Variants in GLI3 observed in about 807,000 individuals in gnomAD.
The protein encoded by GLI3 is transcription activator GLI3.
GLI3 carries 20 observed loss-of-function variants against 100.8 expected under a neutral mutation model. The observed-to-expected ratio is 0.20, with a 90% confidence interval of 0.14 to 0.29. GLI3 has a LOEUF of 0.29. Ranked by LOEUF, GLI3 falls within the 10% of genes least tolerant of loss-of-function variation. The pLI is 1.00. For missense variants in GLI3, 2,040 were observed against 2,128.5 expected (o/e 0.96, Z 0.82); for synonymous variants, 938 against 860.5 (o/e 1.09, Z -1.58).
At chr7:41,988,289 C>T (rs762062303) in intron 10 of GLI3, among the ~76,000 whole-genome samples, 2 of 152,112 alleles carry the variant, frequency 1.3e-5, no homozygotes, top group African/African-American at 2.4e-5. Context: ...TGGTGAAACC[C>T]TGTCTCTACT....
At chr7:42,003,352 G>A (rs896565654) in intron 10 of GLI3, among the ~76,000 whole-genome samples, 3 of 152,062 alleles carry the variant, frequency 2.0e-5, no homozygotes, top group Non-Finnish European at 2.9e-5. Flanking sequence ...AGAAAATGAT[G>A]CTAGAGAAAA....
chr7:42,222,627 A>G (rs1788506990), intron 2 of GLI3, among the ~76,000 whole-genome samples: 1 of 152,218 alleles, frequency 6.6e-6, no homozygotes, highest in South Asian at 2.1e-4. Context: ...GCTAACAACA[A>G]AACCTGCATC....
In GLI3 at chr7:42,250,321, T is replaced by C. The variant is rs1021765706; in HGVS notation, c.-43+13673A>G. On this transcript the variant is annotated intron_variant, in intron 1 of 2. Coordinates refer to the GLI3 transcript ENST00000678978. ...CAAACCACAAACAAGAAACCTCACA[T>C]CTTTAGGAGTCCAAATGTAGGAAGC... Among the ~76,000 whole-genome samples the C allele has an allele frequency of 5.3e-5, 8 of 152,272 alleles. No homozygotes were observed. The South Asian group carries it at 1.0e-3, about 20-fold the overall frequency.
chr7:42,093,146 A>G (rs1270914199), intron 3 of GLI3, among the ~76,000 whole-genome samples: 1 of 150,802 alleles, frequency 6.6e-6, no homozygotes, highest in Non-Finnish European at 1.5e-5. Flanking sequence ...AAGGGCGCCC[A>G]GCATGGGCAA....
chr7:42,155,890 G>GC (rs1449746076), intron 2 of GLI3, among the ~76,000 whole-genome samples: 11 of 152,090 alleles, frequency 7.2e-5, no homozygotes, highest in African/African-American at 2.7e-4. Context: ...TGAAGCTTCA[G>GC]CAAGTATGCC....
At chr7:42,257,429 C>T (rs1789096532) in intron 1 of GLI3, among the ~76,000 whole-genome samples, 1 of 150,616 alleles carries the variant, frequency 6.6e-6, no homozygotes, top group Non-Finnish European at 1.5e-5. Flanking sequence ...ACTGCAAGCT[C>T]CGCCTCCCGG....
intron 10 of GLI3, among the ~76,000 whole-genome samples, chr7:41,996,251 A>T (rs1444226551): frequency 6.6e-6 from 1 of 152,154 alleles, no homozygotes; most frequent in Non-Finnish European, 1.5e-5. Context: ...ATTTTCCTAA[A>T]TTATTGTACC....
chr7:41,990,350 T>A (rs980884465), intron 10 of GLI3, among the ~76,000 whole-genome samples: 3 of 152,118 alleles, frequency 2.0e-5, no homozygotes, highest in Non-Finnish European at 4.4e-5. Flanking sequence ...GTATTACTAG[T>A]AAAGGATCTG....
intron 4 of GLI3, among the ~76,000 whole-genome samples, chr7:42,055,299 A>G (rs1784437176): frequency 6.6e-6 from 1 of 151,974 alleles, no homozygotes. Context: ...TGACCCTGAG[A>G]GGTGCAGATG....
Position 42,196,594 on chromosome 7 carries a change from G to C in GLI3, c.124+26536C>G, listed in dbSNP as rs150758182. Reference sequence around the variant, plus strand: ...GATTTTTAAAGAGGTCACCACCTTTGTTACTTAAAGTTCACACTATAAGTT... The same window carrying C: ...GATTTTTAAAGAGGTCACCACCTTTCTTACTTAAAGTTCACACTATAAGTT... On this transcript the variant is annotated intron_variant, in intron 2 of 14. Transcript: ENST00000395925. Among the ~76,000 whole-genome samples, 275 of 152,330 alleles carry C rather than the reference G, an allele frequency of 1.8e-3. 3 individuals carry two copies. The highest frequency in any genetic ancestry group is 5.8e-3 in the African/African-American group (243 of 41,578).
chr7:42,263,428 C>T (rs1425687087), intron 1 of GLI3, among the ~76,000 whole-genome samples: 4 of 147,652 alleles, frequency 2.7e-5, no homozygotes, highest in African/African-American at 1.0e-4. Flanking sequence ...AACTCATAAA[C>T]ATCTTCTTAC....
intron 3 of GLI3, among the ~76,000 whole-genome samples, chr7:42,085,484 G>A (rs1161920665): frequency 6.6e-6 from 1 of 152,114 alleles, no homozygotes. Context: ...CCTAAGTCTT[G>A]TTTCTTCTTA....
chr7:42,102,358 TG>T, intron 3 of GLI3, among the ~76,000 whole-genome samples: 1 of 152,206 alleles, frequency 6.6e-6, no homozygotes, highest in South Asian at 2.1e-4. Context: ...GAGCCTGAGT[TG>T]GGGGAAGGAG....
At chr7:42,089,513 G>A (rs1785172356) in intron 3 of GLI3, among the ~76,000 whole-genome samples, 1 of 152,090 alleles carries the variant, frequency 6.6e-6, no homozygotes, top group Admixed American at 6.6e-5. Context: ...TGAATCCTTA[G>A]AAAAGCCATC....
chr7:41,986,529 A>G (rs1444964876), intron 10 of GLI3, among the ~76,000 whole-genome samples: 1 of 152,128 alleles, frequency 6.6e-6, no homozygotes, highest in Non-Finnish European at 1.5e-5. Context: ...AAATACGCAT[A>G]CACATTACAA....
At chr7:42,011,157 A>G (rs10215546) in intron 10 of GLI3, among the ~76,000 whole-genome samples, 9,491 of 152,250 alleles carry the variant, frequency 0.062, 426 homozygotes, top group Non-Finnish European at 0.096. Flanking sequence ...GTATGGAGTT[A>G]TTTGCTGGGT....
chr7:42,047,078 C>T (rs975026886), intron 5 of GLI3, among the ~76,000 whole-genome samples: 1 of 152,172 alleles, frequency 6.6e-6, no homozygotes, highest in African/African-American at 2.4e-5. Context: ...ATGACTTGAA[C>T]CCAGCAGGTC....
intron 2 of GLI3, among the ~76,000 whole-genome samples, chr7:42,185,780 A>G (rs2128685294): frequency 6.6e-6 from 1 of 152,314 alleles, no homozygotes; most frequent in South Asian, 2.1e-4. Context: ...AAACACACGC[A>G]CACACACCCT....
At position 41,996,859 on chromosome 7, in the gene GLI3, CAGTA is replaced by C. The variant is rs1420259019; in HGVS notation, c.1498-18115_1498-18112del. On this transcript the variant is annotated intron_variant, in intron 10 of 14. Coordinates refer to ENST00000395925, the MANE Select transcript of GLI3 (RefSeq NM_000168.6). The stretch of plus-strand genomic sequence containing the variant: ...ACGTGATATTATAAGGATTCTTTCT[CAGTA>C]AGATCACATCTTGTTCTGATTTGAT... Among the ~76,000 whole-genome samples the C allele has an allele frequency of 2.0e-5, 3 of 152,136 alleles. No homozygotes were observed. In the East Asian group the frequency reaches 5.8e-4, roughly 29 times the overall value.
Sources: allele counts gnomAD v4.1 joint callset (sites outside exome capture counted in the v4.1 genomes callset), GRCh38; gene constraint gnomAD v4.1.1; transcripts MANE v1.5; gene names NCBI Gene and HGNC (gene_info 2026-07-23, HGNC 2026-07-21).